PRKN: variants seen among roughly 807,000 people sequenced by gnomAD.
PRKN encodes parkin RBR E3 ubiquitin protein ligase, also known as E3 ubiquitin-protein ligase parkin.
A neutral mutation model predicts 59.5 loss-of-function variants in PRKN; 56 were observed. The observed-to-expected ratio is 0.94, with a 90% CI of 0.76 to 1.18. PRKN has a LOEUF of 1.18. PRKN is among the 50% of genes most tolerant of loss of function. PRKN has a pLI of 0.00. For missense variants in PRKN, 657 were observed against 596.4 expected, an observed-to-expected ratio of 1.10 and a Z score of -1.06; for synonymous variants, 250 against 222.1, an observed-to-expected ratio of 1.13 and a Z score of -1.12.
intron 1 of PRKN, among the ~76,000 whole-genome samples, chr6:162,596,592 C>T (rs954608735): frequency 3.3e-5 from 5 of 152,132 alleles, no homozygotes; most frequent in Admixed American, 3.3e-4. Flanking sequence ...AAGCAGAAAG[C>T]ATATGATCAA....
chr6:161,418,020 G>T (rs1365953996), intron 9 of PRKN, among the ~76,000 whole-genome samples: 1 of 152,220 alleles, frequency 6.6e-6, no homozygotes, highest in Non-Finnish European at 1.5e-5. Flanking sequence ...GGGCCTGGCA[G>T]TATCACAGCG....
At position 161,347,636 on chromosome 6, in the gene PRKN, G is replaced by C. The variant is rs1434822120; in HGVS notation, c.*2463C>G. On this transcript the variant is annotated 3_prime_UTR_variant, in exon 12 of 12. Coordinates refer to ENST00000366898, the MANE Select transcript of PRKN (RefSeq NM_004562.3). Reference sequence around the variant, plus strand: ...TTGTTTTTGTTTTTTTTTTTTTTTTGAGACAGAGTCTCACTCTGTTGCCCA... The same window carrying C: ...TTGTTTTTGTTTTTTTTTTTTTTTTCAGACAGAGTCTCACTCTGTTGCCCA... 2.6e-5 allele frequency: 1 copy of C among 38,724 alleles called. No individual in the cohort carries two copies. The highest frequency in any genetic ancestry group is 9.0e-4 in the South Asian group (1 of 1,108). The allele number at this position is 38,724 out of a possible 1,614,324, so 2.4% of individuals were successfully genotyped here.
chr6:161,915,148 T>C (rs1451553050), intron 6 of PRKN, among the ~76,000 whole-genome samples: 2 of 151,924 alleles, frequency 1.3e-5, no homozygotes, highest in Non-Finnish European at 2.9e-5. Context: ...TAGCTGGGCG[T>C]GGTGGTGTAT....
intron 5 of PRKN, among the ~76,000 whole-genome samples, chr6:161,985,044 C>A (rs80057069): frequency 0.085 from 12,958 of 152,184 alleles, 633 homozygotes; most frequent in African/African-American, 0.12. Flanking sequence ...GTGGTACCAG[C>A]TTCCCCTGCA....
At chr6:162,473,844 C>T (rs1366436743) in intron 1 of PRKN, among the ~76,000 whole-genome samples, 1 of 152,084 alleles carries the variant, frequency 6.6e-6, no homozygotes, top group Non-Finnish European at 1.5e-5. Flanking sequence ...ACTAGATTAC[C>T]TAGACTCTTT....
intron 4 of PRKN, among the ~76,000 whole-genome samples, chr6:162,099,417 G>A (rs895917681): frequency 6.6e-6 from 1 of 152,148 alleles, no homozygotes; most frequent in African/African-American, 2.4e-5. Context: ...TGACAGAAGC[G>A]TACCCCTCCC....
At chr6:162,061,907 A>T (rs1467290254) in intron 4 of PRKN, among the ~76,000 whole-genome samples, 3 of 152,218 alleles carry the variant, frequency 2.0e-5, no homozygotes, top group Non-Finnish European at 4.4e-5. Flanking sequence ...GATTTTTGAA[A>T]ATGCCCATGT....
chr6:162,387,271 G>A (rs1240178640), intron 2 of PRKN, among the ~76,000 whole-genome samples: 1 of 147,566 alleles, frequency 6.8e-6, no homozygotes, highest in East Asian at 2.0e-4. Flanking sequence ...CCAACCAAAT[G>A]TTTACTGGAA....
intron 4 of PRKN, among the ~76,000 whole-genome samples, chr6:162,162,939 C>G (rs937055995): frequency 1.3e-5 from 2 of 148,784 alleles, no homozygotes; most frequent in South Asian, 2.1e-4. Context: ...ACCCGGGAGG[C>G]AGAGGTTGCA....
intron 6 of PRKN, among the ~76,000 whole-genome samples, chr6:161,921,920 GAAC>G (rs1778799332): frequency 1.3e-5 from 2 of 152,164 alleles, no homozygotes; most frequent in African/African-American, 4.8e-5. Flanking sequence ...CTCTCTTGTA[GAAC>G]AACATTTCAA....
chr6:162,154,227 T>C (rs1230569304), intron 4 of PRKN, among the ~76,000 whole-genome samples: 1 of 152,172 alleles, frequency 6.6e-6, no homozygotes, highest in Non-Finnish European at 1.5e-5. Flanking sequence ...ATTTCCTGTC[T>C]GATTTCCCCT....
chr6:161,994,733 A>G lies in PRKN; in HGVS notation c.619-21316T>C, dbSNP rs143107268. ...ATTTACAATAGCTACCAAAAAATCT[A>G]CTTAGGAATAAATTTAACCAAGGAG... is the stretch of plus-strand genomic sequence containing the variant. On this transcript the variant is annotated intron_variant, in intron 5 of 11. Transcript: ENST00000366898. Among the ~76,000 whole-genome samples the G allele has an allele frequency of 6.2e-3, 951 of 152,196 alleles. 6 individuals carry two copies. The highest frequency in any genetic ancestry group is 9.8e-3 in the Non-Finnish European group (669 of 67,980).
intron 9 of PRKN, among the ~76,000 whole-genome samples, chr6:161,541,907 G>A (rs546721838): frequency 2.0e-5 from 3 of 152,184 alleles, no homozygotes; most frequent in African/African-American, 7.2e-5. Flanking sequence ...AATAGCTAGT[G>A]GTCTGTGTTG....
At chr6:161,500,480 C>T (rs568924467) in intron 9 of PRKN, among the ~76,000 whole-genome samples, 1 of 152,318 alleles carries the variant, frequency 6.6e-6, no homozygotes, top group East Asian at 1.9e-4. Flanking sequence ...CCCCAAACCC[C>T]TGACAATCAT....
At position 161,930,852 on chromosome 6, in the gene PRKN, G is replaced by A. The variant is rs118093731; in HGVS notation, c.734+42450C>T. On this transcript the variant is annotated intron_variant, in intron 6 of 11. Coordinates refer to ENST00000366898, the MANE Select transcript of PRKN (RefSeq NM_004562.3). ...AGAGTGACACAAGAAAGAGTCCACC[G>A]GCTACTGTTGGCCATGAGGATGAAA... Among the ~76,000 whole-genome samples, 326 of 152,252 alleles carry A rather than the reference G, an allele frequency of 2.1e-3. 7 individuals are homozygous for A. Among genetic ancestry groups the A allele is most frequent in the Admixed American group, 0.017 (256 of 15,292 alleles).
intron 1 of PRKN, among the ~76,000 whole-genome samples, chr6:162,698,365 T>A (rs1266021578): frequency 6.6e-6 from 1 of 152,038 alleles, no homozygotes; most frequent in African/African-American, 2.4e-5. Flanking sequence ...TAGGTGGGAG[T>A]CACTAGGTGG....
intron 1 of PRKN, among the ~76,000 whole-genome samples, chr6:162,492,193 A>G (rs1032075855): frequency 5.3e-5 from 8 of 152,230 alleles, no homozygotes; most frequent in Admixed American, 2.0e-4. Context: ...AATGACTAAC[A>G]TGATAAAAGA....
intron 4 of PRKN, among the ~76,000 whole-genome samples, chr6:162,104,481 GACA>G (rs1780106271): frequency 6.6e-6 from 1 of 152,152 alleles, no homozygotes; most frequent in Non-Finnish European, 1.5e-5. Context: ...GATGCACAAA[GACA>G]ACAACTAATC....
intron 9 of PRKN, among the ~76,000 whole-genome samples, chr6:161,443,599 T>G (rs9458258): frequency 0.14 from 21,514 of 152,126 alleles, 1,767 homozygotes; most frequent in African/African-American, 0.21. Context: ...AAATTATTAA[T>G]GGTAAATAGA....
Sources: gnomAD v4.1 joint callset for allele counts (sites outside exome capture counted in the v4.1 genomes callset) on GRCh38, gnomAD v4.1.1 for gene constraint, MANE v1.5 for transcripts, NCBI Gene and HGNC (gene_info 2026-07-23, HGNC 2026-07-21) for gene names.